Variants in MYO1B observed in about 807,000 individuals in gnomAD.
MYO1B encodes the protein myosin IB, also known as unconventional myosin-Ib.
In MYO1B, 72 loss-of-function variants were observed where a neutral mutation model predicts 159.7. The observed-to-expected ratio is 0.45, with a 90% CI of 0.37 to 0.55. The LOEUF (loss-of-function observed/expected upper bound fraction) is 0.55, where lower values mean the gene tolerates loss of function less well. MYO1B is among the 20% of genes least tolerant of loss of function. The pLI, the probability that MYO1B is intolerant of heterozygous loss-of-function variation, is 0.00. For missense variants in MYO1B, 1,062 were observed against 1,364.8 expected (o/e 0.78, Z 3.50); for synonymous variants, 468 against 473.8 (o/e 0.99, Z 0.16).
chr2:191,258,487 A>T (rs930731661), intron 1 of MYO1B, among the ~76,000 whole-genome samples: 1 of 152,196 alleles, frequency 6.6e-6, no homozygotes, highest in Non-Finnish European at 1.5e-5. Flanking sequence ...GGCTACCCTA[A>T]ATTTATAAAA....
intron 3 of MYO1B, among the ~76,000 whole-genome samples, chr2:191,323,429 A>G (rs1690853754): frequency 6.6e-6 from 1 of 152,150 alleles, no homozygotes; most frequent in Non-Finnish European, 1.5e-5. Flanking sequence ...CTAGTTTTTA[A>G]AACATCGTAA....
chr2:191,355,784 C>G (rs999743693), intron 7 of MYO1B, among the ~76,000 whole-genome samples: 2 of 152,076 alleles, frequency 1.3e-5, no homozygotes, highest in African/African-American at 4.8e-5. Context: ...GGGGCCAGCA[C>G]GCTGGGGGAG....
intron 13 of MYO1B, among the ~76,000 whole-genome samples, chr2:191,374,616 T>C (rs2126051373): frequency 6.6e-6 from 1 of 152,274 alleles, no homozygotes; most frequent in Middle Eastern, 3.4e-3. Context: ...AACATCCCAG[T>C]ACCAGCTGGA....
chr2:191,265,691 T>C (rs947107841), intron 1 of MYO1B, among the ~76,000 whole-genome samples: 1 of 152,174 alleles, frequency 6.6e-6, no homozygotes, highest in African/African-American at 2.4e-5. Context: ...TCTTGGAATT[T>C]TTAAAATCTG....
chr2:191,338,027 A>G (rs1691969829), intron 4 of MYO1B, among the ~76,000 whole-genome samples: 1 of 152,194 alleles, frequency 6.6e-6, no homozygotes, highest in Non-Finnish European at 1.5e-5. Context: ...ATATTATGAA[A>G]ACAGTTCCTT....
At chr2:191,391,894 A>G (rs1695774917) in intron 18 of MYO1B, among the ~76,000 whole-genome samples, 1 of 152,238 alleles carries the variant, frequency 6.6e-6, no homozygotes, top group African/African-American at 2.4e-5. Flanking sequence ...TTTTCTTAGA[A>G]TACATAGTTA....
At chr2:191,360,771 G>GTTGTTT in intron 8 of MYO1B, 42 bp downstream of exon 8, 1 of 1,325,658 alleles carries the variant, frequency 7.5e-7, no homozygotes, top group Admixed American at 1.8e-5. Context: ...TGTTGTTGTT[G>GTTGTTT]TTGTTGTTGT....
intron 1 of MYO1B, among the ~76,000 whole-genome samples, chr2:191,270,830 G>C (rs1687412201): frequency 6.6e-6 from 1 of 152,190 alleles, no homozygotes; most frequent in African/African-American, 2.4e-5. Context: ...GAGCCAAGTA[G>C]CTCAATTCTG....
intron 1 of MYO1B, among the ~76,000 whole-genome samples, chr2:191,256,939 T>TC (rs1206471465): frequency 9.6e-6 from 1 of 104,642 alleles, no homozygotes; most frequent in Non-Finnish European, 2.5e-5. Context: ...ATCCCCCTTT[T>TC]CTGTGAATTT....
intron 6 of MYO1B, among the ~76,000 whole-genome samples, chr2:191,349,379 T>TTA (rs1559190177): frequency 4.6e-5 from 7 of 152,210 alleles, no homozygotes; most frequent in Non-Finnish European, 7.3e-5. Flanking sequence ...TGAAAATTAA[T>TTA]GAGTTAAAGT....
rs1242497300 is a variant in MYO1B, at chr2:191,392,929, T to C, written c.2077-144T>C. On this transcript the variant is annotated intron_variant, in intron 19 of 30. Coordinates refer to ENST00000392318, the MANE Select transcript of MYO1B (RefSeq NM_001130158.3). The stretch of plus-strand genomic sequence containing the variant: ...TTCTCATGGACCATTATCCATATCA[T>C]ATATAATGCATATGGTTTTTCAGTT... 9 of 648,966 alleles carry C rather than the reference T, an allele frequency of 1.4e-5. No homozygotes were observed. In the East Asian group the frequency reaches 2.2e-4, roughly 16 times the overall value. The allele number at this position is 648,966 out of a possible 1,614,324, so 40.2% of individuals were successfully genotyped here.
intron 3 of MYO1B, among the ~76,000 whole-genome samples, chr2:191,303,876 T>A (rs1376599347): frequency 6.6e-6 from 1 of 152,220 alleles, no homozygotes; most frequent in Non-Finnish European, 1.5e-5. Flanking sequence ...TTGTTTGCTC[T>A]CCAGTTTAGA....
At chr2:191,293,781 G>A (rs546865191) in intron 2 of MYO1B, among the ~76,000 whole-genome samples, 6 of 152,118 alleles carry the variant, frequency 3.9e-5, no homozygotes, top group African/African-American at 1.4e-4. Context: ...ATCCTGTGAT[G>A]TAGAATGCAT....
At position 191,320,845 on chromosome 2, in the gene MYO1B, T is replaced by TA. The variant is rs35399217; in HGVS notation, c.252-9079dup. ...TGCCCATTTTCTCTCCTTTATGCAT[T>TA]AAAAAAAAAAATCAGACAGTATGTA... On this transcript the variant is annotated intron_variant, in intron 3 of 30. Transcript: ENST00000392318. Among the ~76,000 whole-genome samples the TA allele has an allele frequency of 5.8e-4, 86 of 147,196 alleles. 1 individual carries two copies. Among genetic ancestry groups the TA allele is most frequent in the Middle Eastern group, 3.4e-3 (1 of 290 alleles).
chr2:191,304,545 G>A (rs1296227444), intron 3 of MYO1B, among the ~76,000 whole-genome samples: 1 of 151,434 alleles, frequency 6.6e-6, no homozygotes, highest in Non-Finnish European at 1.5e-5. Flanking sequence ...ACTCCAGCCT[G>A]GGCAACAAGA....
At chr2:191,339,814 A>G (rs988721564) in intron 4 of MYO1B, among the ~76,000 whole-genome samples, 1 of 152,174 alleles carries the variant, frequency 6.6e-6, no homozygotes, top group Non-Finnish European at 1.5e-5. Flanking sequence ...AGTGGCTCCT[A>G]TTGGTTGATG....
chr2:191,421,527 C>A (rs1001969170), intron 30 of MYO1B, among the ~76,000 whole-genome samples: 2 of 151,824 alleles, frequency 1.3e-5, no homozygotes, highest in Admixed American at 1.3e-4. Flanking sequence ...GGTCAGAGTC[C>A]GGTGGTGTGA....
chr2:191,381,506 G>A lies in MYO1B; in HGVS notation c.1230G>A (p.Lys410=). 7 of 1,613,750 alleles carry A rather than the reference G, an allele frequency of 4.3e-6. No homozygotes were observed. Among genetic ancestry groups the A allele is most frequent in the Non-Finnish European group, 5.9e-6 (7 of 1,179,786 alleles). The change falls in exon 14 of 31, where the codon AAG becomes AAA. Residue 410 remains lysine, a synonymous_variant. Coordinates refer to ENST00000392318, the MANE Select transcript of MYO1B (RefSeq NM_001130158.3). ...TCATTATTAATTATTGTAACGAAAA[G>A]CTGCAACAAATCTTCATTGAACTTA... The part of the protein sequence containing the change: ...EQFIINYCNE[K]LQQIFIELTL...
chr2:191,366,418 A>G (rs1694014144), intron 11 of MYO1B, among the ~76,000 whole-genome samples: 1 of 151,896 alleles, frequency 6.6e-6, no homozygotes, highest in Non-Finnish European at 1.5e-5. Flanking sequence ...TACTCAGAGT[A>G]TCTGGTTCTA....
Sources: allele counts gnomAD v4.1 joint callset (sites outside exome capture counted in the v4.1 genomes callset), GRCh38; gene constraint gnomAD v4.1.1; transcripts MANE v1.5; gene names NCBI Gene and HGNC (gene_info 2026-07-23, HGNC 2026-07-21).